The following C7orf57 variants were observed in gnomAD, a reference collection of about 807,000 sequenced individuals.
The protein encoded by C7orf57 is chromosome 7 open reading frame 57, also known as uncharacterized protein C7orf57.
C7orf57 carries 33 observed loss-of-function variants against 39.0 expected under a neutral mutation model. The observed-to-expected ratio is 0.85, with a 90% CI of 0.64 to 1.13. The LOEUF (loss-of-function observed/expected upper bound fraction) is 1.13. C7orf57 is among the 50% of genes most tolerant of loss of function. The pLI, the probability that C7orf57 is intolerant of heterozygous loss-of-function variation, is 0.00. For missense variants in C7orf57, 346 were observed against 362.3 expected, an observed-to-expected ratio of 0.95 and a Z score of 0.37; for synonymous variants, 124 against 137.1, an observed-to-expected ratio of 0.90 and a Z score of 0.67.
chr7:48,053,997 T>C (rs1365344319), intron 7 of C7orf57, among the ~76,000 whole-genome samples: 1 of 152,130 alleles, frequency 6.6e-6, no homozygotes, highest in African/African-American at 2.4e-5. Context: ...AGGTCACCGT[T>C]TGCCATTCTA....
At chr7:48,052,621 G>C (rs1790988579) in intron 6 of C7orf57, 79 bp from the exon 7 acceptor site, 3 of 1,170,728 alleles carry the variant, frequency 2.6e-6, no homozygotes, top group Non-Finnish European at 3.8e-6. Context: ...CCTCCTATTT[G>C]GTGTGTTCAC....
chr7:48,042,600 T>A (rs1380246886), intron 3 of C7orf57, among the ~76,000 whole-genome samples: 1 of 151,894 alleles, frequency 6.6e-6, no homozygotes, highest in Non-Finnish European at 1.5e-5. Context: ...TTGGGGAGCC[T>A]AGGTCAGGGT....
At chr7:48,037,768 T>TGTGTGC (rs977066344) in intron 2 of C7orf57, among the ~76,000 whole-genome samples, 5 of 150,444 alleles carry the variant, frequency 3.3e-5, no homozygotes, top group African/African-American at 7.3e-5. Flanking sequence ...TGTGTGTGTG[T>TGTGTGC]GCGCGCGCGT....
At position 48,046,534 on chromosome 7, in the gene C7orf57, C is replaced by T. The variant is rs781116234; in HGVS notation, c.425C>T (p.Ala142Val). Residue 142 changes from alanine (A) to valine (V), a missense_variant, in exon 5 of 9, where the codon GCA becomes GTA. Ala to Val is a moderately conservative substitution (Grantham distance 64, BLOSUM62 0). Coordinates refer to ENST00000348904, the MANE Select transcript of C7orf57 (RefSeq NM_001100159.3). ...CCCGATCAAGCCAATGGTAGCTATGCATCCAGAAGAGGGCCCTTCGACTTC... is the reference window on the plus strand; with the variant it reads ...CCCGATCAAGCCAATGGTAGCTATGTATCCAGAAGAGGGCCCTTCGACTTC... ...FNPDQANGSY[A>V]SRRGPFDFDM... The T allele has an allele frequency of 1.5e-5, 24 of 1,613,896 alleles. No homozygotes were observed. Among genetic ancestry groups the T allele is most frequent in the Non-Finnish European group, 1.9e-5 (23 of 1,179,842 alleles).
chr7:48,045,079 C>A (rs959405528), intron 4 of C7orf57, among the ~76,000 whole-genome samples: 1 of 152,136 alleles, frequency 6.6e-6, no homozygotes, highest in Admixed American at 6.5e-5. Flanking sequence ...TACCAATTGT[C>A]CAAGCCTTCT....
At chr7:48,048,230 G>A (rs141572433) in intron 5 of C7orf57, among the ~76,000 whole-genome samples, 1 of 152,168 alleles carries the variant, frequency 6.6e-6, no homozygotes, top group Non-Finnish European at 1.5e-5. Flanking sequence ...GCACCGCATC[G>A]GGATGGGCTC....
chr7:48,046,529 C>T lies in C7orf57; in HGVS notation c.420C>T (p.Ser140=), dbSNP rs1185187219. Residue 140 remains serine (S), a synonymous_variant, in exon 5 of 9, where the codon AGC becomes AGT. Coordinates refer to ENST00000348904, the MANE Select transcript of C7orf57 (RefSeq NM_001100159.3). ...EEFNPDQANG[S]YASRRGPFDF... ...TTAACCCCGATCAAGCCAATGGTAG[C>T]TATGCATCCAGAAGAGGGCCCTTCG... 6.2e-7 allele frequency: 1 copy of T among 1,613,870 alleles called. No homozygotes were observed. Among genetic ancestry groups the T allele is most frequent in the Non-Finnish European group, 8.5e-7 (1 of 1,179,830 alleles).
At chr7:48,038,559 G>C (rs1790456251) in intron 2 of C7orf57, among the ~76,000 whole-genome samples, 1 of 152,202 alleles carries the variant, frequency 6.6e-6, no homozygotes, top group Non-Finnish European at 1.5e-5. Flanking sequence ...GAGTGGTCTG[G>C]AGGAAGAATT....
chr7:48,040,101 C>A (rs1790504036), intron 2 of C7orf57, among the ~76,000 whole-genome samples: 1 of 152,142 alleles, frequency 6.6e-6, no homozygotes, highest in Non-Finnish European at 1.5e-5. Flanking sequence ...TGGGATTTTG[C>A]CAACTCACTT....
intron 2 of C7orf57, 74 bp from the exon 3 acceptor site, chr7:48,041,260 G>A (rs1358458865): frequency 3.6e-6 from 5 of 1,373,806 alleles, no homozygotes; most frequent in Non-Finnish European, 5.0e-6. Flanking sequence ...TCTGCATAGA[G>A]ATACTCTGGT....
chr7:48,054,869 T>TGA (rs879389067), intron 8 of C7orf57, among the ~76,000 whole-genome samples: 18,850 of 147,046 alleles, frequency 0.13, 1,828 homozygotes, highest in African/African-American at 0.28. Flanking sequence ...ATGATGATGA[T>TGA]TATTATTATT....
intron 3 of C7orf57, among the ~76,000 whole-genome samples, chr7:48,042,800 T>C (rs1790589494): frequency 6.6e-6 from 1 of 152,134 alleles, no homozygotes; most frequent in African/African-American, 2.4e-5. Context: ...ATCAAGAAAG[T>C]CAGTTCTTCC....
chr7:48,044,672 AT>A (rs1028484997), intron 4 of C7orf57, among the ~76,000 whole-genome samples: 4 of 152,218 alleles, frequency 2.6e-5, no homozygotes, highest in African/African-American at 9.6e-5. Flanking sequence ...ATAGCAGCCT[AT>A]CCCAAAGGGT....
At chr7:48,058,155 CT>C (rs1366941611) in intron 8 of C7orf57, among the ~76,000 whole-genome samples, 2 of 152,028 alleles carry the variant, frequency 1.3e-5, no homozygotes, top group African/African-American at 4.8e-5. Context: ...CTGTAATTTT[CT>C]TTTCTTATAG....
chr7:48,036,073 C>T (rs1790346453), intron 1 of C7orf57, 135 bp from the exon 2 acceptor site: 1 of 603,898 alleles, frequency 1.7e-6, no homozygotes, highest in South Asian at 2.0e-5. Context: ...TTCTGTTTAC[C>T]TGGCGTGGAC....
intron 4 of C7orf57, among the ~76,000 whole-genome samples, chr7:48,045,457 G>A (rs1299422685): frequency 2.0e-5 from 3 of 151,996 alleles, no homozygotes; most frequent in Admixed American, 1.3e-4. Flanking sequence ...CACCTTCCAA[G>A]CCTGCATTTC....
Position 48,036,249 on chromosome 7 carries a change from C to G in C7orf57, c.-60C>G, listed in dbSNP as rs544557830. 6.5e-7 allele frequency: 1 copy of G among 1,528,572 alleles called. No individual in the cohort carries two copies. The highest frequency in any genetic ancestry group is 1.2e-5 in the South Asian group (1 of 83,698). The allele number at this position is 1,528,572 out of a possible 1,614,324, so 94.7% of individuals were successfully genotyped here. On this transcript the variant is annotated 5_prime_UTR_variant, in exon 2 of 9. Transcript: ENST00000348904. ...CTGGTCAAGCAGGCAGCGTCCAGCGCACCCGCGAACACCAGGTCCGGCAGC... is the reference window on the plus strand; with the variant it reads ...CTGGTCAAGCAGGCAGCGTCCAGCGGACCCGCGAACACCAGGTCCGGCAGC...
rs988653057 is a variant in C7orf57, at chr7:48,060,374, T to C, written c.*102T>C. On this transcript the variant is annotated 3_prime_UTR_variant, in exon 9 of 9. Coordinates refer to ENST00000348904, the MANE Select transcript of C7orf57 (RefSeq NM_001100159.3). The stretch of plus-strand genomic sequence containing the variant: ...AGGCTTTTTTTGTATTTTATTAATA[T>C]AGACTCTCATTGAATAATTTACCTT... The C allele has an allele frequency of 6.5e-5, 43 of 665,338 alleles. No homozygotes were observed. Among genetic ancestry groups the C allele is most frequent in the Non-Finnish European group, 9.6e-5 (39 of 404,930 alleles). The allele number at this position is 665,338 out of a possible 1,614,324, so 41.2% of individuals were successfully genotyped here.
At chr7:48,049,334 C>A (rs1159172995) in intron 5 of C7orf57, among the ~76,000 whole-genome samples, 2 of 152,146 alleles carry the variant, frequency 1.3e-5, no homozygotes, top group Admixed American at 6.5e-5. Flanking sequence ...TGGAATCATA[C>A]GGCATGGCGT....
Sources: gnomAD v4.1 joint callset for allele counts (sites outside exome capture counted in the v4.1 genomes callset) on GRCh38, gnomAD v4.1.1 for gene constraint, MANE v1.5 for transcripts, NCBI Gene and HGNC (gene_info 2026-07-23, HGNC 2026-07-21) for gene names.